IQGAP1: variants seen among roughly 807,000 people sequenced by gnomAD.
The protein encoded by IQGAP1 is ras GTPase-activating-like protein IQGAP1.
IQGAP1 carries 66 observed loss-of-function variants against 215.6 expected under a neutral mutation model. The ratio of observed to expected loss-of-function variants is 0.31; its 90% CI spans 0.25 to 0.38. The LOEUF is 0.38. Ranked by LOEUF, IQGAP1 falls within the 10% of genes least tolerant of loss-of-function variation. The pLI is 1.00. For synonymous variants in IQGAP1, 772 were observed against 728.7 expected (o/e 1.06, Z -0.96); for missense variants, 1,712 against 1,997.1 (o/e 0.86, Z 2.72).
intron 15 of IQGAP1, among the ~76,000 whole-genome samples, chr15:90,460,958 C>T (rs1471118614): frequency 6.8e-6 from 1 of 147,694 alleles, no homozygotes; most frequent in Non-Finnish European, 1.5e-5. Context: ...AAGATTGCAC[C>T]ACTGCACTCC....
chr15:90,471,909 T>C (rs953532769), intron 18 of IQGAP1, among the ~76,000 whole-genome samples: 1 of 152,018 alleles, frequency 6.6e-6, no homozygotes, highest in African/African-American at 2.4e-5. Flanking sequence ...AACTAGATGT[T>C]CCTAACCATT....
intron 18 of IQGAP1, 26 bp downstream of exon 18, chr15:90,467,618 A>G (rs760185287): frequency 6.9e-6 from 11 of 1,587,388 alleles, no homozygotes; most frequent in Non-Finnish European, 9.4e-6. Context: ...TCACGTAAGA[A>G]GAAGCTGAGA....
At chr15:90,425,970 G>A in intron 2 of IQGAP1, 140 bp from the exon 3 acceptor site, 2 of 692,484 alleles carry the variant, frequency 2.9e-6, no homozygotes, top group Non-Finnish European at 4.3e-6. Context: ...GGGAAAGGAT[G>A]TGTGTGGAAC....
chr15:90,464,538 G>A (rs1364265090), intron 15 of IQGAP1, among the ~76,000 whole-genome samples: 1 of 151,986 alleles, frequency 6.6e-6, no homozygotes, highest in Non-Finnish European at 1.5e-5. Context: ...TTGAAATATG[G>A]CAGCCACATT....
At position 90,426,123 on chromosome 15, in the gene IQGAP1, T is replaced by A. The variant is rs1367623732; in HGVS notation, c.169T>A (p.Cys57Ser). Residue 57 changes from cysteine (C) to serine (S), a missense_variant, in exon 3 of 38, where the codon TGC (cysteine) becomes AGC (serine). Transcript: ENST00000268182. The part of the protein sequence containing the change: ...LEEAKRWMEA[C>S]LGEDLPPTTE... ...CCTTTGGTGCAGGTGGATGGAAGCA[T>A]GCCTAGGGGAAGATCTGCCTCCCAC... 6.2e-7 allele frequency: 1 copy of A among 1,606,476 alleles called. No individual in the cohort carries two copies. The highest frequency in any genetic ancestry group is 1.1e-5 in the South Asian group (1 of 90,288).
At chr15:90,399,692 G>C (rs1964778454) in intron 2 of IQGAP1, among the ~76,000 whole-genome samples, 1 of 152,266 alleles carries the variant, frequency 6.6e-6, no homozygotes, top group Non-Finnish European at 1.5e-5. Context: ...TATTTGTAGA[G>C]ATGGGGTCTT....
intron 2 of IQGAP1, among the ~76,000 whole-genome samples, chr15:90,412,350 A>G (rs1964978466): frequency 6.6e-6 from 1 of 152,160 alleles, no homozygotes; most frequent in African/African-American, 2.4e-5. Flanking sequence ...GATTACTGCA[A>G]TACTTTCTTT....
chr15:90,441,720 A>G (rs764142290), intron 8 of IQGAP1, 36 bp downstream of exon 8: 2 of 1,431,904 alleles, frequency 1.4e-6, no homozygotes. Context: ...TAATTAATTT[A>G]TATTATTCCG....
rs758934218 is a variant in IQGAP1 at position 90,388,334 on chromosome 15, C to T, written c.-8C>T. The stretch of plus-strand genomic sequence containing the variant: ...GGCTTCCTCAGCAGAGACTCGGGCT[C>T]GTCCGCCATGTCCGCCGCAGACGAG... On this transcript the variant is annotated 5_prime_UTR_variant, in exon 1 of 38. Coordinates refer to ENST00000268182, the MANE Select transcript of IQGAP1 (RefSeq NM_003870.4). The T allele has an allele frequency of 4.4e-6, 7 of 1,595,340 alleles. No individual in the cohort carries two copies. The highest frequency in any genetic ancestry group is 1.4e-5 in the African/African-American group (1 of 72,198).
At chr15:90,469,119 G>A (rs1329347209) in intron 18 of IQGAP1, among the ~76,000 whole-genome samples, 1 of 152,176 alleles carries the variant, frequency 6.6e-6, no homozygotes. Context: ...GGACTTTTAA[G>A]TTTTAACTTG....
chr15:90,406,049 G>A (rs75145891), intron 2 of IQGAP1, among the ~76,000 whole-genome samples: 2,666 of 152,174 alleles, frequency 0.018, 65 homozygotes, highest in African/African-American at 0.058. Flanking sequence ...TGCAAAGGAC[G>A]GGAGTGTGGT....
chr15:90,459,398 G>A lies in IQGAP1; in HGVS notation c.1776+3083G>A, dbSNP rs73484506. Among the ~76,000 whole-genome samples the A allele has an allele frequency of 6.8e-3, 1,037 of 152,246 alleles. 13 individuals carry two copies. Among genetic ancestry groups the A allele is most frequent in the African/African-American group, 0.024 (1,013 of 41,520 alleles). The stretch of plus-strand genomic sequence containing the variant: ...CTTTAACAACTTTATCTTCATAGTA[G>A]CATTATTCCTGATAGCCACAGTGGA... On this transcript the variant is annotated intron_variant, in intron 15 of 37. Coordinates refer to ENST00000268182, the MANE Select transcript of IQGAP1 (RefSeq NM_003870.4).
chr15:90,489,610 C>A (rs1407342651), intron 33 of IQGAP1, among the ~76,000 whole-genome samples: 1 of 152,218 alleles, frequency 6.6e-6, no homozygotes, highest in Non-Finnish European at 1.5e-5. Context: ...AAATCCAGCC[C>A]TATAGGACTC....
At chr15:90,452,019 G>A (rs547375175) in intron 11 of IQGAP1, among the ~76,000 whole-genome samples, 4 of 152,038 alleles carry the variant, frequency 2.6e-5, no homozygotes, top group East Asian at 1.9e-4. Context: ...TAGTAGAGAC[G>A]GGGTTTCACC....
At chr15:90,462,757 C>G (rs189991800) in intron 15 of IQGAP1, among the ~76,000 whole-genome samples, 2 of 152,182 alleles carry the variant, frequency 1.3e-5, no homozygotes, top group African/African-American at 2.4e-5. Flanking sequence ...TCATTGCCCA[C>G]TCTTTTTTTA....
At chr15:90,457,859 AATAG>A (rs1965708124) in intron 15 of IQGAP1, among the ~76,000 whole-genome samples, 2 of 152,190 alleles carry the variant, frequency 1.3e-5, no homozygotes, top group Admixed American at 1.3e-4. Flanking sequence ...ATGAAGCTTT[AATAG>A]ATAATGTCAT....
chr15:90,444,036 A>T (rs1056997965), intron 9 of IQGAP1, among the ~76,000 whole-genome samples: 14 of 151,814 alleles, frequency 9.2e-5, no homozygotes, highest in African/African-American at 3.4e-4. Flanking sequence ...TGTACTCCAG[A>T]CTGGGCAACA....
chr15:90,470,337 C>T (rs987322201), intron 18 of IQGAP1, among the ~76,000 whole-genome samples: 2 of 152,070 alleles, frequency 1.3e-5, no homozygotes, highest in African/African-American at 4.8e-5. Flanking sequence ...TCCTTGCAGA[C>T]CTTGTACTTT....
chr15:90,411,536 A>G (rs1263632974), intron 2 of IQGAP1, among the ~76,000 whole-genome samples: 2 of 152,162 alleles, frequency 1.3e-5, no homozygotes, highest in African/African-American at 4.8e-5. Flanking sequence ...TTTGACATAT[A>G]TGGCTCTAGC....
Sources: allele counts gnomAD v4.1 joint callset (sites outside exome capture counted in the v4.1 genomes callset), GRCh38; gene constraint gnomAD v4.1.1; transcripts MANE v1.5; gene names NCBI Gene and HGNC (gene_info 2026-07-23, HGNC 2026-07-21).